The following ST8SIA6 variants were observed in gnomAD, a reference collection of about 807,000 sequenced individuals.
ST8SIA6 encodes the protein ST8 alpha-N-acetyl-neuraminide alpha-2,8-sialyltransferase 6.
In ST8SIA6, 39 loss-of-function variants were observed where a neutral mutation model predicts 33.6. That is an observed-to-expected ratio of 1.16 (90% CI 0.90 to 1.52). The LOEUF (loss-of-function observed/expected upper bound fraction) is 1.52, where lower values mean the gene tolerates loss of function less well. Among genes scored for constraint, ST8SIA6 ranks in the 40% most tolerant of loss-of-function variants. The pLI is 0.00. For missense variants in ST8SIA6, 441 were observed against 443.8 expected (o/e 0.99, Z 0.06); for synonymous variants, 172 against 167.2 (o/e 1.03, Z -0.22).
At chr10:17,432,943 A>G (rs1457074907) in intron 2 of ST8SIA6, among the ~76,000 whole-genome samples, 3 of 152,170 alleles carry the variant, frequency 2.0e-5, no homozygotes, top group African/African-American at 7.2e-5. Context: ...GCCAATTTCT[A>G]TGTGTCACTT....
At chr10:17,453,750 A>G in intron 1 of ST8SIA6, 93 bp from the exon 2 acceptor site, 1 of 989,888 alleles carries the variant, frequency 1.0e-6, no homozygotes, top group Non-Finnish European at 1.3e-6. Flanking sequence ...TGGCAGGGAG[A>G]TCTCGCACTC....
intron 3 of ST8SIA6, among the ~76,000 whole-genome samples, chr10:17,382,297 C>T (rs1333130911): frequency 1.3e-5 from 2 of 151,824 alleles, no homozygotes; most frequent in African/African-American, 4.8e-5. Flanking sequence ...TATCTTCTTG[C>T]TCTTATCACC....
intron 2 of ST8SIA6, among the ~76,000 whole-genome samples, chr10:17,434,266 A>T (rs1852185691): frequency 6.6e-6 from 1 of 152,194 alleles, no homozygotes; most frequent in Admixed American, 6.5e-5. Flanking sequence ...ATCTTCTAAG[A>T]TTCAACAATT....
chr10:17,428,983 G>A (rs574668548), intron 2 of ST8SIA6, among the ~76,000 whole-genome samples: 28 of 152,148 alleles, frequency 1.8e-4, no homozygotes, highest in Admixed American at 1.1e-3. Context: ...GAGCTGCACC[G>A]CCACACCCCC....
chr10:17,420,378 C>A (rs1280682436), intron 2 of ST8SIA6, among the ~76,000 whole-genome samples: 6 of 152,204 alleles, frequency 3.9e-5, no homozygotes, highest in Admixed American at 6.5e-5. Context: ...CGCCACTGCA[C>A]TCCAGCCTGG....
In ST8SIA6 at chr10:17,320,389, T is replaced by C. The variant is rs1287211156; in HGVS notation, c.*489A>G. ...TCATTCCCGAATGATCAAGAACTTT[T>C]TGCTTAAGTATATAATTTTCTTGCA... On this transcript the variant is annotated 3_prime_UTR_variant, in exon 8 of 8. Transcript: ENST00000377602. 1 of 154,604 alleles carries C rather than the reference T, an allele frequency of 6.5e-6. No homozygotes were observed. Among genetic ancestry groups the C allele is most frequent in the Non-Finnish European group, 1.4e-5 (1 of 69,652 alleles). 9.6% of individuals were successfully genotyped at this position (154,604 alleles called of 1,614,324 possible). A position where few individuals can be genotyped will look rare whatever the true frequency, so the allele number is the denominator to read the frequency against.
intron 5 of ST8SIA6, among the ~76,000 whole-genome samples, chr10:17,329,828 G>A (rs895584897): frequency 6.6e-6 from 1 of 152,158 alleles, no homozygotes; most frequent in Non-Finnish European, 1.5e-5. Context: ...AAATGTGCAC[G>A]CTCCACTGCC....
At chr10:17,416,867 CTTA>C (rs1851625035) in intron 2 of ST8SIA6, among the ~76,000 whole-genome samples, 1 of 152,218 alleles carries the variant, frequency 6.6e-6, no homozygotes, top group Non-Finnish European at 1.5e-5. Context: ...TGAGGCTTCA[CTTA>C]TTATTAGAAT....
At chr10:17,410,862 A>G (rs1354912247) in intron 2 of ST8SIA6, among the ~76,000 whole-genome samples, 1 of 152,212 alleles carries the variant, frequency 6.6e-6, no homozygotes, top group African/African-American at 2.4e-5. Flanking sequence ...CCATATTTAA[A>G]ATGATGTTAC....
intron 3 of ST8SIA6, among the ~76,000 whole-genome samples, chr10:17,362,742 C>A (rs1213981921): frequency 6.6e-6 from 1 of 152,110 alleles, no homozygotes; most frequent in African/African-American, 2.4e-5. Context: ...GATGGAGTCT[C>A]GCTTTGTTGC....
chr10:17,354,426 C>T (rs1441720030), intron 4 of ST8SIA6, among the ~76,000 whole-genome samples: 2 of 152,050 alleles, frequency 1.3e-5, no homozygotes, highest in African/African-American at 4.8e-5. Context: ...GGGTGGGGAC[C>T]TCTTATAGGA....
At chr10:17,452,128 TACCTATAGTA>T (rs1433974119) in intron 2 of ST8SIA6, among the ~76,000 whole-genome samples, 2 of 152,232 alleles carry the variant, frequency 1.3e-5, no homozygotes, top group Non-Finnish European at 2.9e-5. Flanking sequence ...AAAGCTAGGC[TACCTATAGTA>T]CACCAACCTG....
At chr10:17,378,759 C>CA (rs1167026853) in intron 3 of ST8SIA6, among the ~76,000 whole-genome samples, 9 of 152,130 alleles carry the variant, frequency 5.9e-5, no homozygotes, top group Admixed American at 5.9e-4. Flanking sequence ...GTGTTCCAAC[C>CA]AGTCTATAGA....
chr10:17,321,078 C>A lies in ST8SIA6; in HGVS notation c.997G>T (p.Glu333Ter). 6.2e-7 allele frequency: 1 copy of A among 1,614,106 alleles called. No individual in the cohort carries two copies. The highest frequency in any genetic ancestry group is 8.5e-7 in the Non-Finnish European group (1 of 1,180,002). Residue 333 changes from glutamate to a stop codon, truncating the protein, a stop_gained, in exon 8 of 8, where the codon GAA becomes TAA. Coordinates refer to ENST00000377602, the MANE Select transcript of ST8SIA6 (RefSeq NM_001004470.3). LOFTEE classifies it high-confidence loss of function. The part of the protein sequence containing the change: ...TGLMITSVAV[E>*]LCKNVKLYGF... ...TACAGCTTCACATTTTTACACAGTT[C>A]CACTGCAACACTTGTGATCATCAAG... is the stretch of plus-strand genomic sequence containing the variant.
intron 2 of ST8SIA6, among the ~76,000 whole-genome samples, chr10:17,453,216 A>G (rs1039089549): frequency 5.5e-5 from 7 of 126,438 alleles, no homozygotes; most frequent in Non-Finnish European, 4.8e-5. Flanking sequence ...CCCTCCATAA[A>G]GACAGGCTGA....
rs12356161 is a variant in ST8SIA6 at position 17,444,653 on chromosome 10, C to T, written c.200+8906G>A. Among the ~76,000 whole-genome samples the T allele has an allele frequency of 2.9e-3, 441 of 152,296 alleles. 3 individuals carry two copies. Among genetic ancestry groups the T allele is most frequent in the Non-Finnish European group, 4.3e-3 (290 of 68,028 alleles). The stretch of plus-strand genomic sequence containing the variant: ...CTCTACCTGGGCCAGCTGCCCCGGA[C>T]AATTGCACCTGATAGCTTTTCCAGA... On this transcript the variant is annotated intron_variant, in intron 2 of 7. Transcript: ENST00000377602.
intron 2 of ST8SIA6, among the ~76,000 whole-genome samples, 179 bp from the exon 3 acceptor site, chr10:17,390,799 GA>G (rs60135551): frequency 2.9e-5 from 4 of 139,454 alleles, no homozygotes; most frequent in Admixed American, 2.1e-4. Flanking sequence ...GGGTCTAAAT[GA>G]AAAAAAAAAC....
Position 17,385,367 on chromosome 10 carries a change from A to G in ST8SIA6, c.290+5164T>C, listed in dbSNP as rs1341271644. Among the ~76,000 whole-genome samples, 8 of 152,262 alleles carry G rather than the reference A, an allele frequency of 5.3e-5. 1 individual carries two copies. In the East Asian group the frequency reaches 1.2e-3, roughly 22 times the overall value. ...ACTAAACCAATTACTTCTTACATAT[A>G]ATGATTGATGTTGTCACGGTGTCTG... is the stretch of plus-strand genomic sequence containing the variant. On this transcript the variant is annotated intron_variant, in intron 3 of 7. Transcript: ENST00000377602.
At chr10:17,407,821 C>G (rs1238971735) in intron 2 of ST8SIA6, 1 of 152,150 alleles carries the variant, frequency 6.6e-6, no homozygotes, top group Non-Finnish European at 1.5e-5. Flanking sequence ...TCATAATAGT[C>G]TAGAGCAAGA....
Sources: allele counts gnomAD v4.1 joint callset (sites outside exome capture counted in the v4.1 genomes callset), GRCh38; gene constraint gnomAD v4.1.1; transcripts MANE v1.5; gene names NCBI Gene and HGNC (gene_info 2026-07-23, HGNC 2026-07-21).